The following MRPL9 variants were observed in gnomAD, a reference collection of about 807,000 sequenced individuals.
MRPL9 encodes the protein large ribosomal subunit protein bL9m.
Under a neutral mutation model 27.6 loss-of-function variants are expected in MRPL9, and 25 were observed. The ratio of observed to expected loss-of-function variants is 0.91; its 90% CI spans 0.66 to 1.27. The LOEUF is 1.27. Ranked by LOEUF, MRPL9 falls within the 50% of genes most tolerant of loss-of-function variation. MRPL9 has a pLI of 0.00. For synonymous variants in MRPL9, 154 were observed against 139.0 expected, an observed-to-expected ratio of 1.11 and a Z score of -0.76; for missense variants, 362 against 338.0, an observed-to-expected ratio of 1.07 and a Z score of -0.56.
rs1215606979 is a variant in MRPL9 at position 151,760,874 on chromosome 1, G to A, written c.614C>T (p.Thr205Ile). 6.7e-7 allele frequency: 1 copy of A among 1,481,662 alleles called. No individual in the cohort carries two copies. 91.8% of individuals were successfully genotyped at this position (1,481,662 alleles called of 1,614,324 possible). ...KNLGVVVAPH[T>I]LKLPEEPITR... is the part of the protein sequence containing the mutation. Reference sequence around the variant, plus strand: ...GATAGGCTCTTCTGGTAACTTTAATGTATGTGGGGCAACCACAACACCAAG... The same window carrying A: ...GATAGGCTCTTCTGGTAACTTTAATATATGTGGGGCAACCACAACACCAAG... Residue 205 changes from threonine (T) to isoleucine (I), a missense_variant, in exon 6 of 7, where the codon ACA becomes ATA. Transcript: ENST00000368830.
chr1:151,763,142 G>A lies in MRPL9; in HGVS notation c.158C>T (p.Thr53Met). Residue 53 changes from threonine (T) to methionine (M), a missense_variant, in exon 2 of 7, where the codon ACG becomes ATG. By Grantham distance (81) the Thr-to-Met change is moderately conservative. Coordinates refer to ENST00000368830, the MANE Select transcript of MRPL9 (RefSeq NM_031420.4). ...CTTCCACCAGCGCTCCACGATGACC[G>A]TGCCCTGGCGGCCAGGAAAGCGACG... ...CNFSLSQNRG[T>M]VIVERWWKVP... 1 of 1,612,710 alleles carries A rather than the reference G, an allele frequency of 6.2e-7. No individual in the cohort carries two copies. Among genetic ancestry groups the A allele is most frequent in the South Asian group, 1.1e-5 (1 of 90,986 alleles).
In MRPL9 at chr1:151,763,350, T is replaced by C. The variant is rs1224366024; in HGVS notation, c.130A>G (p.Asn44Asp). 1.1e-5 allele frequency: 18 copies of C among 1,587,330 alleles called. No individual in the cohort carries two copies. The highest frequency in any genetic ancestry group is 4.0e-5 in the African/African-American group (3 of 74,110). Reference sequence around the variant, plus strand: ...ACCCGATTTTGAGAAAGGCTGAAGTTGCAGGCCAGGTCAGGGGCGTTCCCT... The same window carrying C: ...ACCCGATTTTGAGAAAGGCTGAAGTCGCAGGCCAGGTCAGGGGCGTTCCCT... ...HEGNAPDLAC[N>D]FSLSQNRGTV... Residue 44 changes from asparagine (N) to aspartate (D), a missense_variant, in exon 1 of 7, where the codon AAC becomes GAC. Coordinates refer to ENST00000368830, the MANE Select transcript of MRPL9 (RefSeq NM_031420.4).
At chr1:151,762,589 T>C (rs1409368362) in intron 2 of MRPL9, 89 bp from the exon 3 acceptor site, 38 of 1,354,038 alleles carry the variant, frequency 2.8e-5, no homozygotes, top group Non-Finnish European at 2.9e-5. Context: ...TCTTAGTTTC[T>C]CACAGTGCTT....
Position 151,760,219 on chromosome 1 carries a change from A to G in MRPL9, c.673-38T>C, listed in dbSNP as rs745949466. On this transcript the variant is annotated intron_variant, in intron 6 of 6. Coordinates refer to ENST00000368830, the MANE Select transcript of MRPL9 (RefSeq NM_031420.4). ...CAATGGGAATTCTCAGAGATCAGTC[A>G]GGTAAGTAAGATTTAGCACCACCTA... is the stretch of plus-strand genomic sequence containing the variant. The G allele has an allele frequency of 3.1e-6, 5 of 1,613,216 alleles. No individual in the cohort carries two copies. The South Asian group carries it at 5.5e-5, about 18-fold the overall frequency.
Position 151,762,146 on chromosome 1 carries a change from CTT to C in MRPL9, c.443_444del (p.Gln148ArgfsTer13), listed in dbSNP as rs746174085. The C allele has an allele frequency of 2.7e-5, 44 of 1,614,044 alleles. No individual in the cohort carries two copies. Among genetic ancestry groups the C allele is most frequent in the Non-Finnish European group, 3.6e-5 (42 of 1,180,026 alleles). On this transcript the variant is annotated frameshift_variant, in exon 4 of 7. Coordinates refer to ENST00000368830, the MANE Select transcript of MRPL9 (RefSeq NM_031420.4). LOFTEE classifies it high-confidence loss of function. ...GTCTGGATCTTCTCTAATTTTCCTT[CTT>C]GTCTCAGCTAGAAAAGAAAGTTAAA... ...KLFEEEKLLR[Q>X]EGKLEKIQTK...
Position 151,761,437 on chromosome 1 carries a change from GA to G in MRPL9, c.588+13del. 1 of 1,596,784 alleles carries G rather than the reference GA, an allele frequency of 6.3e-7. No homozygotes were observed. Among genetic ancestry groups the G allele is most frequent in the Non-Finnish European group, 8.6e-7 (1 of 1,164,408 alleles). ...ACCTCAGGGGTAGAGTGGTTTTTGG[GA>G]ACACTCACTCACATTCTTAAAGAAG... On this transcript the variant is annotated intron_variant, in intron 5 of 6. Transcript: ENST00000368830.
At chr1:151,761,716 G>A (rs1648092231) in intron 4 of MRPL9, among the ~76,000 whole-genome samples, 164 bp from the exon 5 acceptor site, 1 of 152,160 alleles carries the variant, frequency 6.6e-6, no homozygotes, top group Non-Finnish European at 1.5e-5. Flanking sequence ...AAACCAGCCT[G>A]GCCAACATGG....
At position 151,763,043 on chromosome 1, in the gene MRPL9, G is replaced by C. The variant is rs772769840; in HGVS notation, c.257C>G (p.Thr86Arg). ...CAGGTTTTCTTTGGGCCGATGCTTC[G>C]TGTCCTCCACCAGCTTATAGACGCG... The part of the protein sequence containing the change: ...RHRVYKLVED[T>R]KHRPKENLEL... The change falls in exon 2 of 7, where the codon ACG (threonine) becomes AGG (arginine). Residue 86 changes from threonine to arginine, a missense_variant. Thr to Arg is a moderately conservative substitution (Grantham distance 71). Coordinates refer to ENST00000368830, the MANE Select transcript of MRPL9 (RefSeq NM_031420.4). The C allele has an allele frequency of 5.6e-6, 9 of 1,614,048 alleles. No homozygotes were observed. In the African/African-American group the frequency reaches 6.7e-5, roughly 12 times the overall value.
At chr1:151,761,122 T>C (rs369058356) in intron 5 of MRPL9, among the ~76,000 whole-genome samples, 5 of 152,106 alleles carry the variant, frequency 3.3e-5, no homozygotes, top group Admixed American at 2.0e-4. Flanking sequence ...GGAGGTAGAT[T>C]CACAAAGAGA....
intron 2 of MRPL9, 107 bp downstream of exon 2, chr1:151,762,883 T>C (rs1648167793): frequency 2.3e-6 from 3 of 1,331,338 alleles, no homozygotes; most frequent in Non-Finnish European, 3.1e-6. Flanking sequence ...AGAGTTGGAT[T>C]GTTTCCACAA....
intron 1 of MRPL9, 80 bp downstream of exon 1, chr1:151,763,247 T>C: frequency 6.5e-7 from 1 of 1,531,018 alleles, no homozygotes; most frequent in Non-Finnish European, 8.8e-7. Context: ...CACCCCCACA[T>C]CGGCCCCCTC....
chr1:151,760,249 C>T, intron 6 of MRPL9, 68 bp from the exon 7 acceptor site: 1 of 1,590,324 alleles, frequency 6.3e-7, no homozygotes, highest in Non-Finnish European at 8.6e-7. Flanking sequence ...CACCTAATCC[C>T]AGCTTTTCAC....
In MRPL9 at chr1:151,760,088, C is replaced by T. The variant is rs1346833645; in HGVS notation, c.766G>A (p.Ala256Thr). The T allele has an allele frequency of 6.2e-7, 1 of 1,614,122 alleles. No homozygotes were observed. The highest frequency in any genetic ancestry group is 1.1e-5 in the South Asian group (1 of 91,072). The change falls in exon 7 of 7, where the codon GCT (alanine) becomes ACT (threonine). Residue 256 changes from alanine to threonine, a missense_variant. Coordinates refer to ENST00000368830, the MANE Select transcript of MRPL9 (RefSeq NM_031420.4). ...CTGGTGGGGGCCATAGCCTTGGCAG[C>T]TTGCTGGGCTAACCAGTACTTATAT... ...KRYKYWLAQQ[A>T]AKAMAPTSPQ...
In MRPL9 at chr1:151,760,177, T is replaced by A. The variant is rs751033090; in HGVS notation, c.677A>T (p.Asn226Ile). 1 of 1,614,106 alleles carries A rather than the reference T, an allele frequency of 6.2e-7. No homozygotes were observed. Among genetic ancestry groups the A allele is most frequent in the Non-Finnish European group, 8.5e-7 (1 of 1,180,000 alleles). The change falls in exon 7 of 7, where the codon AAT becomes ATT. Residue 226 changes from asparagine (N) to isoleucine (I), a missense_variant. Asn to Ile is a moderately radical substitution (Grantham distance 149, BLOSUM62 -3). Transcript: ENST00000368830. ...AGGCACTCTCACAGTATCAAGCCCA[T>A]TTACCTGCACACAAAACAATGGGAA... is the stretch of plus-strand genomic sequence containing the variant. ...WGEYWCEVTV[N>I]GLDTVRVPMS...
At position 151,762,395 on chromosome 1, in the gene MRPL9, A is replaced by G; in HGVS notation, c.416T>C (p.Leu139Pro). The G allele has an allele frequency of 6.2e-7, 1 of 1,614,216 alleles. No individual in the cohort carries two copies. The highest frequency in any genetic ancestry group is 8.5e-7 in the Non-Finnish European group (1 of 1,180,030). ...GCTCACCAATTTCTCCTCTTCAAAC[A>G]GCTTCTTGTTTTCAGGGGATGCATA... ...AVYASPENKK[L>P]FEEEKLLRQE... The change falls in exon 3 of 7, where the codon CTG (leucine) becomes CCG (proline). Residue 139 changes from leucine (L) to proline (P), a missense_variant. Physicochemically the swap from Leu to Pro is moderately conservative, Grantham distance 98 (BLOSUM62 -3). Transcript: ENST00000368830.
intron 6 of MRPL9, 31 bp downstream of exon 6, chr1:151,760,783 GAA>G (rs750280308): frequency 2.6e-6 from 4 of 1,528,184 alleles, no homozygotes; most frequent in East Asian, 2.3e-5. Flanking sequence ...AAAGGAGAAA[GAA>G]AAGAAAAAAG....
At chr1:151,761,906 G>A in intron 4 of MRPL9, 199 bp downstream of exon 4, 1 of 612,622 alleles carries the variant, frequency 1.6e-6, no homozygotes. Context: ...GACCTCCCTT[G>A]GTACTTTAAG....
chr1:151,763,333 T>G lies in MRPL9; in HGVS notation c.147A>C (p.Gln49His). The G allele has an allele frequency of 6.3e-7, 1 of 1,594,412 alleles. No homozygotes were observed. ...PDLACNFSLS[Q>H]NRGTVIVERW... ...CCCCAGACTCAGCCCTCACCCGATT[T>G]TGAGAAAGGCTGAAGTTGCAGGCCA... The change falls in exon 1 of 7, where the codon CAA becomes CAC. Residue 49 changes from glutamine to histidine, a missense_variant. Coordinates refer to ENST00000368830, the MANE Select transcript of MRPL9 (RefSeq NM_031420.4).
Position 151,760,151 on chromosome 1 carries a change from T to C in MRPL9, c.703A>G (p.Met235Val). Residue 235 changes from methionine (M) to valine (V), a missense_variant, in exon 7 of 7, where the codon ATG becomes GTG. Physicochemically the swap from Met to Val is conservative, Grantham distance 21 (BLOSUM62 1). Coordinates refer to ENST00000368830, the MANE Select transcript of MRPL9 (RefSeq NM_031420.4). ...GGCTTCTCAAAGTTCACGACAGACA[T>C]AGGCACTCTCACAGTATCAAGCCCA... ...VNGLDTVRVPMSVVNFEKPKT... is the reference protein window; with the variant it reads ...VNGLDTVRVPVSVVNFEKPKT... 1 of 1,614,152 alleles carries C rather than the reference T, an allele frequency of 6.2e-7. No individual in the cohort carries two copies. The highest frequency in any genetic ancestry group is 8.5e-7 in the Non-Finnish European group (1 of 1,180,016).
Sources: allele counts gnomAD v4.1 joint callset (sites outside exome capture counted in the v4.1 genomes callset), GRCh38; gene constraint gnomAD v4.1.1; transcripts MANE v1.5; gene names NCBI Gene and HGNC (gene_info 2026-07-23, HGNC 2026-07-21).